ATP6V1E2: variants seen among roughly 807,000 people sequenced by gnomAD.
ATP6V1E2 encodes the protein ATPase H+ transporting V1 subunit E2, also known as V-type proton ATPase subunit E 2.
For synonymous variants in ATP6V1E2, 121 were observed against 104.2 expected (o/e 1.16, Z -0.98); for missense variants, 308 against 273.3 (o/e 1.13, Z -0.90).
Position 46,542,276 on chromosome 2 carries a change from G to C in ATP6V1E2, c.-433C>G, listed in dbSNP as rs1248797219. ...TTGTGCACTTAGAGGCCGAGAGGAT[G>C]GCTCTGGCCTTCCGGGTGGAGGTGA... is the stretch of plus-strand genomic sequence containing the variant. On this transcript the variant is annotated 5_prime_UTR_variant, in exon 1 of 5. Coordinates refer to ENST00000522587, the MANE Select transcript of ATP6V1E2 (RefSeq NM_001318063.2). The C allele has an allele frequency of 6.6e-6, 1 of 151,706 alleles. No homozygotes were observed. The highest frequency in any genetic ancestry group is 1.5e-5 in the Non-Finnish European group (1 of 67,956). The allele number at this position is 151,706 out of a possible 1,614,324, so 9.4% of individuals were successfully genotyped here.
At chr2:46,520,588 A>C (rs1472115497) in intron 4 of ATP6V1E2, among the ~76,000 whole-genome samples, 3 of 152,076 alleles carry the variant, frequency 2.0e-5, no homozygotes, top group Non-Finnish European at 2.9e-5. Flanking sequence ...GCTTCCCTCC[A>C]CTTAATAAAT....
chr2:46,521,793 C>T (rs373763656), intron 4 of ATP6V1E2, among the ~76,000 whole-genome samples: 5 of 152,018 alleles, frequency 3.3e-5, no homozygotes, highest in Admixed American at 2.0e-4. Context: ...TGGGTTCAAG[C>T]GATTCTCCTG....
rs1020727963 is a variant in ATP6V1E2 at position 46,530,130 on chromosome 2, C to T, written c.-102+5683G>A. Among the ~76,000 whole-genome samples, 1 of 152,208 alleles carries T rather than the reference C, an allele frequency of 6.6e-6. No individual in the cohort carries two copies. The highest frequency in any genetic ancestry group is 2.4e-5 in the African/African-American group (1 of 41,428). ...CAGGATCACTCAATTCAGGCCACAACTGCACATCTCCAGAATGCAGCTCAG... is the reference window on the plus strand; with the variant it reads ...CAGGATCACTCAATTCAGGCCACAATTGCACATCTCCAGAATGCAGCTCAG... On this transcript the variant is annotated intron_variant, in intron 4 of 4. Coordinates refer to ENST00000522587, the MANE Select transcript of ATP6V1E2 (RefSeq NM_001318063.2). This position sits in a 1 kb window ranked among gnomAD's most constrained non-coding sequence, Gnocchi z 5.2.
chr2:46,536,313 G>A (rs1056951671), intron 3 of ATP6V1E2, among the ~76,000 whole-genome samples: 8 of 152,220 alleles, frequency 5.3e-5, no homozygotes, highest in Non-Finnish European at 7.3e-5. Context: ...ATTTATCAGC[G>A]TGATCATTAG....
At chr2:46,524,715 A>G (rs1424744738) in intron 4 of ATP6V1E2, among the ~76,000 whole-genome samples, 33 of 152,180 alleles carry the variant, frequency 2.2e-4, no homozygotes. Flanking sequence ...TCATAAGCAG[A>G]AAGAAAGTAA....
At chr2:46,525,065 G>T (rs76351607) in intron 4 of ATP6V1E2, among the ~76,000 whole-genome samples, 1 of 152,320 alleles carries the variant, frequency 6.6e-6, no homozygotes, top group East Asian at 1.9e-4. Context: ...ACAAGACAAG[G>T]CATCGCGATT....
At chr2:46,514,453 A>T (rs1034723098) in intron 4 of ATP6V1E2, among the ~76,000 whole-genome samples, 10 of 152,284 alleles carry the variant, frequency 6.6e-5, no homozygotes, top group African/African-American at 2.4e-4. Flanking sequence ...ACAAAATGAG[A>T]ATATCAAAAG....
intron 4 of ATP6V1E2, among the ~76,000 whole-genome samples, chr2:46,516,772 A>G (rs1687729509): frequency 6.6e-6 from 1 of 152,094 alleles, no homozygotes. Flanking sequence ...ACCTAACTTT[A>G]CACCTCAAGG....
chr2:46,517,280 C>T (rs1687754565), intron 4 of ATP6V1E2, among the ~76,000 whole-genome samples: 1 of 152,110 alleles, frequency 6.6e-6, no homozygotes, highest in Non-Finnish European at 1.5e-5. Flanking sequence ...TAGATATCCA[C>T]ATGCAAAAGA....
At chr2:46,516,292 C>T (rs1386318840) in intron 4 of ATP6V1E2, among the ~76,000 whole-genome samples, 2 of 152,186 alleles carry the variant, frequency 1.3e-5, no homozygotes, top group Non-Finnish European at 2.9e-5. Flanking sequence ...TAAAACGAAT[C>T]TCAATAAATT....
At chr2:46,534,790 C>A in intron 4 of ATP6V1E2, 1 of 151,978 alleles carries the variant, frequency 6.6e-6, no homozygotes, top group East Asian at 1.9e-4. Context: ...GGGATTTCTA[C>A]TGAATTCCCT....
Position 46,537,591 on chromosome 2 carries a change from GA to G in ATP6V1E2, c.-309-889del, listed in dbSNP as rs1204630103. ...AAGAAGAAAAACTGAGAGATGTGCAGAAAAAAAAAAAAAGAGTTCTGATCAA... is the reference window on the plus strand; with the variant it reads ...AAGAAGAAAAACTGAGAGATGTGCAGAAAAAAAAAAAAGAGTTCTGATCAA... On this transcript the variant is annotated intron_variant, in intron 2 of 4. Transcript: ENST00000522587. The G allele has an allele frequency of 2.0e-3, 278 of 140,014 alleles. 1 individual carries two copies. Among genetic ancestry groups the G allele is most frequent in the African/African-American group, 5.0e-3 (190 of 37,838 alleles). 8.7% of individuals were successfully genotyped at this position (140,014 alleles called of 1,614,324 possible).
At chr2:46,517,903 T>C (rs769285368) in intron 4 of ATP6V1E2, among the ~76,000 whole-genome samples, 1 of 152,186 alleles carries the variant, frequency 6.6e-6, no homozygotes, top group Non-Finnish European at 1.5e-5. Flanking sequence ...GTGCACTGGG[T>C]TGGTGGGAAT....
chr2:46,536,918 G>C (rs1667473324), intron 2 of ATP6V1E2, among the ~76,000 whole-genome samples: 1 of 152,080 alleles, frequency 6.6e-6, no homozygotes, highest in African/African-American at 2.4e-5. Flanking sequence ...GAGTAGCTGG[G>C]ATTACAGGCA....
intron 4 of ATP6V1E2, among the ~76,000 whole-genome samples, chr2:46,522,330 A>G (rs941359810): frequency 3.3e-5 from 5 of 150,104 alleles, no homozygotes; most frequent in Non-Finnish European, 1.5e-5. Context: ...TTTGTTACAC[A>G]GGTATACGTG....
intron 4 of ATP6V1E2, among the ~76,000 whole-genome samples, chr2:46,514,905 A>G (rs1384599905): frequency 6.6e-6 from 1 of 152,202 alleles, no homozygotes; most frequent in Non-Finnish European, 1.5e-5. Flanking sequence ...GCCATCACAT[A>G]TAAGGGAGCT....
rs185225832 is a variant in ATP6V1E2, at chr2:46,531,603, G to A, written c.-102+4210C>T. 2.3e-3 allele frequency among the ~76,000 whole-genome samples: 356 copies of A among 152,270 alleles called. 1 individual carries two copies. The highest frequency in any genetic ancestry group is 6.8e-3 in the African/African-American group (281 of 41,536). On this transcript the variant is annotated intron_variant, in intron 4 of 4. Coordinates refer to ENST00000522587, the MANE Select transcript of ATP6V1E2 (RefSeq NM_001318063.2). ...ATAATTAACTTTTTCAAAGACCTTCGAACTGTTTTCCAGAGGTTGAACCAT... is the reference window on the plus strand; with the variant it reads ...ATAATTAACTTTTTCAAAGACCTTCAAACTGTTTTCCAGAGGTTGAACCAT...
intron 4 of ATP6V1E2, 93 bp from the exon 5 acceptor site, chr2:46,512,905 G>A (rs781290984): frequency 3.3e-5 from 18 of 537,326 alleles, no homozygotes; most frequent in Non-Finnish European, 4.6e-5. Flanking sequence ...TCACAGATGA[G>A]GAAATTGAGG....
intron 2 of ATP6V1E2, among the ~76,000 whole-genome samples, chr2:46,536,998 G>T (rs960758003): frequency 6.6e-6 from 1 of 152,078 alleles, no homozygotes; most frequent in Non-Finnish European, 1.5e-5. Context: ...GGCCAGGCTG[G>T]TCTCAAACTC....
Sources: allele counts gnomAD v4.1 joint callset (sites outside exome capture counted in the v4.1 genomes callset), GRCh38; gene constraint gnomAD v4.1.1; non-coding constraint Gnocchi (gnomAD v3.1); transcripts MANE v1.5; gene names NCBI Gene and HGNC (gene_info 2026-07-23, HGNC 2026-07-21).